Variants in C1orf141 observed in about 807,000 individuals in gnomAD.
C1orf141 encodes uncharacterized protein C1orf141.
A neutral mutation model predicts 23.2 loss-of-function variants in C1orf141; 19 were observed. That is an observed-to-expected ratio of 0.82 (90% CI 0.57 to 1.20). C1orf141 has a LOEUF of 1.20. C1orf141 is among the 50% of genes most tolerant of loss of function. C1orf141 has a pLI of 0.00. For synonymous variants in C1orf141, 153 were observed against 154.6 expected (o/e 0.99, Z 0.08); for missense variants, 469 against 455.1 (o/e 1.03, Z -0.28).
intron 5 of C1orf141, among the ~76,000 whole-genome samples, chr1:67,110,690 A>G (rs1479404966): frequency 6.6e-6 from 1 of 151,932 alleles, no homozygotes; most frequent in Non-Finnish European, 1.5e-5. Flanking sequence ...ATGCTAGTAA[A>G]TGTATTATGA....
intron 5 of C1orf141, chr1:67,103,425 C>A: frequency 8.4e-7 from 1 of 1,197,546 alleles, no homozygotes; most frequent in Non-Finnish European, 1.1e-6. Context: ...GAAACTATTT[C>A]TTTCCGTGTA....
upstream of C1orf141, among the ~76,000 whole-genome samples, chr1:67,135,753 G>A (rs978027299): frequency 6.6e-6 from 1 of 151,800 alleles, no homozygotes; most frequent in Non-Finnish European, 1.5e-5. Flanking sequence ...TAAGTCAGGG[G>A]TTGTTCATCA....
At chr1:67,117,561 T>C (rs1047499716) in intron 4 of C1orf141, among the ~76,000 whole-genome samples, 1 of 152,212 alleles carries the variant, frequency 6.6e-6, no homozygotes, top group Non-Finnish European at 1.5e-5. Flanking sequence ...AAACAATTTA[T>C]CTGTTCCTTT....
At chr1:67,133,178 G>C (rs537644900) in intron 1 of C1orf141, among the ~76,000 whole-genome samples, 53 of 152,262 alleles carry the variant, frequency 3.5e-4, no homozygotes, top group South Asian at 8.3e-4. Flanking sequence ...CAATATAATA[G>C]GCTCAGCTGA....
chr1:67,135,246 C>T (rs78865162), upstream of C1orf141, among the ~76,000 whole-genome samples: 5,541 of 152,312 alleles, frequency 0.036, 102 homozygotes, highest in East Asian at 0.075. Flanking sequence ...CCTTATTGTA[C>T]CTCCTTTCTC....
chr1:67,126,828 C>T (rs962839911), intron 3 of C1orf141, among the ~76,000 whole-genome samples: 4 of 152,176 alleles, frequency 2.6e-5, no homozygotes, highest in African/African-American at 4.8e-5. Flanking sequence ...CACACTCTCA[C>T]GCATTTACCT....
At chr1:67,134,233 ACCTCAAGTGATCCGCCCGCCTTGG>A (rs1455310725) in intron 1 of C1orf141, among the ~76,000 whole-genome samples, 5 of 152,310 alleles carry the variant, frequency 3.3e-5, no homozygotes, top group Admixed American at 6.5e-5. Context: ...CTAACTCCTG[ACCTCAAGTGATCCGCCCGCCTTGG>A]CCTCCCAAAG....
intron 5 of C1orf141, among the ~76,000 whole-genome samples, chr1:67,108,450 A>T (rs189249977): frequency 6.6e-6 from 1 of 152,214 alleles, no homozygotes; most frequent in Non-Finnish European, 1.5e-5. Flanking sequence ...AAGTTTCAAC[A>T]TATGAATTTT....
intron 2 of C1orf141, among the ~76,000 whole-genome samples, chr1:67,127,600 A>G (rs990242636): frequency 1.3e-5 from 2 of 152,106 alleles, no homozygotes; most frequent in Non-Finnish European, 2.9e-5. Flanking sequence ...AATTTTTTTA[A>G]TTAAAAATAT....
intron 5 of C1orf141, chr1:67,103,509 C>A (rs913382895): frequency 5.4e-5 from 27 of 497,218 alleles, no homozygotes; most frequent in Non-Finnish European, 8.0e-5. Flanking sequence ...CTGTCTGGTT[C>A]TTTAAATATT....
intron 1 of C1orf141, among the ~76,000 whole-genome samples, chr1:67,132,550 C>A (rs1488924402): frequency 6.6e-6 from 1 of 151,990 alleles, no homozygotes; most frequent in Non-Finnish European, 1.5e-5. Flanking sequence ...TACTCTTTGA[C>A]AGATCTCTTC....
chr1:67,139,444 C>G (rs1162494218), upstream of C1orf141, among the ~76,000 whole-genome samples: 1 of 152,184 alleles, frequency 6.6e-6, no homozygotes, highest in African/African-American at 2.4e-5. Context: ...CAACATAGCT[C>G]AAAAACTGCT....
Position 67,095,321 on chromosome 1 carries a change from G to A in C1orf141, c.517C>T (p.Leu173Phe). 6.2e-7 allele frequency: 1 copy of A among 1,604,176 alleles called. No individual in the cohort carries two copies. The highest frequency in any genetic ancestry group is 8.5e-7 in the Non-Finnish European group (1 of 1,172,120). ...KYRSVRKKSLLPLCFEDELKN... is the reference protein window; with the variant it reads ...KYRSVRKKSLFPLCFEDELKN... ...AATTCATCCTCAAAGCACAACGGGA[G>A]CAAGCTTTTCTTTCTTACTGACCTA... Residue 173 changes from leucine to phenylalanine, a missense_variant, in exon 7 of 8, where the codon CTC becomes TTC. Physicochemically the swap from Leu to Phe is conservative, Grantham distance 22. Transcript: ENST00000684719.
At chr1:67,136,272 C>A (rs1208218163), upstream of C1orf141, among the ~76,000 whole-genome samples, 1 of 152,102 alleles carries the variant, frequency 6.6e-6, no homozygotes, top group East Asian at 1.9e-4. Flanking sequence ...AACTTCTGGT[C>A]TCAAGTGATC....
At chr1:67,107,924 T>C (rs1000304300) in intron 5 of C1orf141, among the ~76,000 whole-genome samples, 2 of 152,240 alleles carry the variant, frequency 1.3e-5, no homozygotes, top group African/African-American at 2.4e-5. Flanking sequence ...ATTCTCTTTA[T>C]GGTAGCATCT....
intron 4 of C1orf141, among the ~76,000 whole-genome samples, chr1:67,119,138 GC>G (rs1646253437): frequency 6.6e-6 from 1 of 152,098 alleles, no homozygotes; most frequent in Non-Finnish European, 1.5e-5. Context: ...TTTGGTGAGG[GC>G]TTAAAAAGAA....
intron 4 of C1orf141, among the ~76,000 whole-genome samples, chr1:67,121,017 C>T (rs1646288829): frequency 6.6e-6 from 1 of 152,186 alleles, no homozygotes. Context: ...CTCATATGTG[C>T]TCTTTATGAC....
chr1:67,138,036 C>T (rs929156759), upstream of C1orf141, among the ~76,000 whole-genome samples: 1 of 152,196 alleles, frequency 6.6e-6, no homozygotes, highest in Admixed American at 6.5e-5. Context: ...AAAGCTGCCT[C>T]TTCTGAGGTT....
At chr1:67,096,172 A>G in intron 6 of C1orf141, 80 bp downstream of exon 6, 1 of 722,028 alleles carries the variant, frequency 1.4e-6, no homozygotes, top group Non-Finnish European at 2.4e-6. Flanking sequence ...GAATAAATTT[A>G]TTCCTGTCAA....
Sources: allele counts gnomAD v4.1 joint callset (sites outside exome capture counted in the v4.1 genomes callset), GRCh38; gene constraint gnomAD v4.1.1; transcripts MANE v1.5; gene names NCBI Gene and HGNC (gene_info 2026-07-23, HGNC 2026-07-21).